PLXNA4: variants seen among roughly 807,000 people sequenced by gnomAD.
The protein encoded by PLXNA4 is plexin A4.
PLXNA4 carries 44 observed loss-of-function variants against 191.8 expected under a neutral mutation model. The observed-to-expected ratio is 0.23, with a 90% CI of 0.18 to 0.29. The LOEUF (loss-of-function observed/expected upper bound fraction) is 0.29, where lower values mean the gene tolerates loss of function less well. PLXNA4 is among the 10% of genes least tolerant of loss of function. The pLI, the probability that PLXNA4 is intolerant of heterozygous loss-of-function variation, is 1.00. For missense variants in PLXNA4, 1,800 were observed against 2,488.8 expected, an observed-to-expected ratio of 0.72 and a Z score of 5.89; for synonymous variants, 1,082 against 1,009.5, an observed-to-expected ratio of 1.07 and a Z score of -1.36.
At chr7:132,327,169 C>CAG (rs528071535) in intron 3 of PLXNA4, among the ~76,000 whole-genome samples, 1 of 124,500 alleles carries the variant, frequency 8.0e-6, no homozygotes, top group Non-Finnish European at 1.8e-5. Context: ...AAAAGGAAGG[C>CAG]AAAAAAAAAA....
At chr7:132,371,721 C>T (rs1804448236) in intron 3 of PLXNA4, among the ~76,000 whole-genome samples, 2 of 152,172 alleles carry the variant, frequency 1.3e-5, no homozygotes, top group African/African-American at 4.8e-5. Flanking sequence ...GAGAAGGCAT[C>T]AAGGACAGTA....
intron 3 of PLXNA4, chr7:132,383,789 A>G (rs1804999281): frequency 2.0e-6 from 2 of 985,290 alleles, no homozygotes; most frequent in South Asian, 4.7e-5. Context: ...ACCAGTTCAA[A>G]GGATTTGACT....
chr7:132,402,244 T>C (rs1408495222), intron 3 of PLXNA4, among the ~76,000 whole-genome samples: 1 of 152,112 alleles, frequency 6.6e-6, no homozygotes, highest in African/African-American at 2.4e-5. Flanking sequence ...ACAAATTAAG[T>C]GGCAGCAGGA....
chr7:132,622,666 C>T (rs1299267073), intron 2 of PLXNA4, among the ~76,000 whole-genome samples: 9 of 152,188 alleles, frequency 5.9e-5, no homozygotes, highest in Non-Finnish European at 1.2e-4. Flanking sequence ...TGTTGGTCAG[C>T]GCATCAGGCT....
intron 21 of PLXNA4, among the ~76,000 whole-genome samples, chr7:132,174,465 T>C (rs1374042903): frequency 6.6e-6 from 1 of 152,212 alleles, no homozygotes; most frequent in Non-Finnish European, 1.5e-5. Context: ...CCCAATGTAT[T>C]TGCCGTGTTT....
intron 3 of PLXNA4, among the ~76,000 whole-genome samples, chr7:132,467,342 C>T (rs34593315): frequency 0.031 from 4,743 of 152,252 alleles, 98 homozygotes; most frequent in Non-Finnish European, 0.044. Flanking sequence ...ACCCATTAGG[C>T]AAGAGCTCAG....
At chr7:132,594,790 C>G (rs1802666996) in intron 2 of PLXNA4, among the ~76,000 whole-genome samples, 1 of 152,112 alleles carries the variant, frequency 6.6e-6, no homozygotes, top group African/African-American at 2.4e-5. Flanking sequence ...CCACGTAATT[C>G]CAGTCTGCTT....
At chr7:132,445,860 T>C (rs1795891223) in intron 3 of PLXNA4, among the ~76,000 whole-genome samples, 1 of 152,128 alleles carries the variant, frequency 6.6e-6, no homozygotes, top group Admixed American at 6.5e-5. Context: ...GGATTCCAGC[T>C]CCTCACACAG....
chr7:132,491,726 C>T (rs746770886), intron 2 of PLXNA4, among the ~76,000 whole-genome samples: 1 of 152,002 alleles, frequency 6.6e-6, no homozygotes, highest in African/African-American at 2.4e-5. Flanking sequence ...GTCAGGAGTT[C>T]GAGACCAACA....
intron 3 of PLXNA4, among the ~76,000 whole-genome samples, chr7:132,439,858 G>T (rs1302735864): frequency 1.3e-5 from 2 of 152,180 alleles, no homozygotes; most frequent in Non-Finnish European, 2.9e-5. Context: ...GAAGCACCTG[G>T]TTCCTGACCT....
chr7:132,342,454 A>G (rs1803067182), intron 3 of PLXNA4, among the ~76,000 whole-genome samples: 1 of 152,042 alleles, frequency 6.6e-6, no homozygotes, highest in African/African-American at 2.4e-5. Context: ...GGCTTAAAAT[A>G]TCACGCTGTA....
intron 1 of PLXNA4, among the ~76,000 whole-genome samples, chr7:132,574,091 G>A (rs1280689935): frequency 6.6e-6 from 1 of 152,200 alleles, no homozygotes; most frequent in Non-Finnish European, 1.5e-5. Context: ...GGTACCTAAT[G>A]CTAAGTGCAG....
chr7:132,308,184 C>G (rs935248913), intron 3 of PLXNA4, among the ~76,000 whole-genome samples: 1 of 152,118 alleles, frequency 6.6e-6, no homozygotes, highest in Admixed American at 6.5e-5. Context: ...AGGTTCAAAC[C>G]AGCAAATTTC....
chr7:132,324,409 G>C (rs1384030105), intron 3 of PLXNA4, among the ~76,000 whole-genome samples: 1 of 152,106 alleles, frequency 6.6e-6, no homozygotes, highest in Non-Finnish European at 1.5e-5. Flanking sequence ...GTGATAAGTT[G>C]GTTGTTAATA....
intron 21 of PLXNA4, among the ~76,000 whole-genome samples, chr7:132,169,623 A>G (rs765483244): frequency 6.6e-5 from 10 of 152,216 alleles, no homozygotes; most frequent in Non-Finnish European, 1.3e-4. Context: ...TACCATTTAA[A>G]TAAATATTTT....
At chr7:132,366,278 C>A (rs983997738) in intron 3 of PLXNA4, among the ~76,000 whole-genome samples, 2 of 152,058 alleles carry the variant, frequency 1.3e-5, no homozygotes, top group South Asian at 2.1e-4. Context: ...ATAATCCCAA[C>A]GCTTTGGGAG....
At chr7:132,367,711 G>A (rs989229229) in intron 3 of PLXNA4, 2 of 152,250 alleles carry the variant, frequency 1.3e-5, no homozygotes, top group African/African-American at 4.8e-5. Flanking sequence ...CCACAGGTTG[G>A]AGCAGTGCAT....
At chr7:132,233,977 CTT>C (rs1258512932) in intron 5 of PLXNA4, among the ~76,000 whole-genome samples, 2 of 152,134 alleles carry the variant, frequency 1.3e-5, no homozygotes, top group African/African-American at 4.8e-5. Context: ...GTGGGCTTGT[CTT>C]TCTCTTTTCT....
At chr7:132,544,593 G>A (rs1800215506) in intron 1 of PLXNA4, among the ~76,000 whole-genome samples, 1 of 152,052 alleles carries the variant, frequency 6.6e-6, no homozygotes, top group Non-Finnish European at 1.5e-5. Context: ...ATCCATGGGG[G>A]CTTCTAGGAT....
Sources: allele counts gnomAD v4.1 joint callset (sites outside exome capture counted in the v4.1 genomes callset), GRCh38; gene constraint gnomAD v4.1.1; transcripts MANE v1.5; gene names NCBI Gene and HGNC (gene_info 2026-07-23, HGNC 2026-07-21).